PIP5K1B: variants seen among roughly 807,000 people sequenced by gnomAD.
PIP5K1B encodes phosphatidylinositol 4-phosphate 5-kinase type-1 beta.
Under a neutral mutation model 67.0 loss-of-function variants are expected in PIP5K1B, and 42 were observed. That is an observed-to-expected ratio of 0.63 (90% confidence interval 0.49 to 0.81). The LOEUF is 0.81. Ranked by LOEUF, PIP5K1B falls within the 30% of genes least tolerant of loss-of-function variation. The pLI is 0.00. For missense variants in PIP5K1B, 459 were observed against 646.3 expected, an observed-to-expected ratio of 0.71 and a Z score of 3.14; for synonymous variants, 214 against 231.4, an observed-to-expected ratio of 0.92 and a Z score of 0.68.
In PIP5K1B at chr9:68,917,667, T is replaced by A. The variant is rs755861453; in HGVS notation, c.891T>A (p.Thr297=). The A allele has an allele frequency of 1.2e-6, 2 of 1,614,098 alleles. No individual in the cohort carries two copies. Among genetic ancestry groups the A allele is most frequent in the South Asian group, 2.2e-5 (2 of 91,076 alleles). ...AAAATGTGCCTGATGCTAAGCGGACTGGGATGCAGAAGGTTCTCTACTCAA... is the reference window on the plus strand; with the variant it reads ...AAAATGTGCCTGATGCTAAGCGGACAGGGATGCAGAAGGTTCTCTACTCAA... ...TPQNVPDAKR[T]GMQKVLYSTA... is the part of the protein sequence containing the mutation. The change falls in exon 9 of 16, where the codon ACT becomes ACA. Residue 297 remains threonine, a synonymous_variant. Transcript: ENST00000265382.
At chr9:68,917,472 G>C (rs1644943967) in intron 8 of PIP5K1B, 76 bp from the exon 9 acceptor site, 1 of 1,013,790 alleles carries the variant, frequency 9.9e-7, no homozygotes, top group South Asian at 1.3e-5. Context: ...TGTATATCTA[G>C]AGCTCTCTGA....
chr9:68,795,436 T>C (rs1212954148), intron 2 of PIP5K1B, among the ~76,000 whole-genome samples: 1 of 152,176 alleles, frequency 6.6e-6, no homozygotes, highest in Non-Finnish European at 1.5e-5. Flanking sequence ...GAAGAATATA[T>C]GTAATATATG....
chr9:68,859,471 G>C (rs1177112409), intron 4 of PIP5K1B, among the ~76,000 whole-genome samples: 1 of 152,166 alleles, frequency 6.6e-6, no homozygotes, highest in Admixed American at 6.5e-5. Flanking sequence ...AATAGACTCT[G>C]TTTGCTGTGT....
At position 68,831,994 on chromosome 9, in the gene PIP5K1B, A is replaced by G. The variant is rs115925142; in HGVS notation, c.69+9311A>G. On this transcript the variant is annotated intron_variant, in intron 4 of 15. Coordinates refer to ENST00000265382, the MANE Select transcript of PIP5K1B (RefSeq NM_003558.4). ...CCAACTAGAATTTAACAATTTTAAA[A>G]TGTTTTCCCTGATTCATTGGTTCCA... 8.5e-3 allele frequency among the ~76,000 whole-genome samples: 1,299 copies of G among 152,332 alleles called. 24 individuals are homozygous for G. The highest frequency in any genetic ancestry group is 0.03 in the African/African-American group (1,230 of 41,574).
chr9:68,748,423 T>G (rs1356039271), intron 2 of PIP5K1B, among the ~76,000 whole-genome samples: 1 of 152,120 alleles, frequency 6.6e-6, no homozygotes, highest in African/African-American at 2.4e-5. Context: ...TTTGCTGCAT[T>G]TTACTTTAGA....
At position 68,735,316 on chromosome 9, in the gene PIP5K1B, C is replaced by CTTTTTTTTTT. The variant is rs558810934; in HGVS notation, c.-242-7166_-242-7157dup. 2.1e-3 allele frequency among the ~76,000 whole-genome samples: 62 copies of CTTTTTTTTTT among 29,802 alleles called. 12 individuals carry two copies. Among genetic ancestry groups the CTTTTTTTTTT allele is most frequent in the Non-Finnish European group, 3.0e-3 (50 of 16,452 alleles). 19.6% of individuals were successfully genotyped at this position (29,802 alleles called of 152,430 possible). A position where few individuals can be genotyped will look rare whatever the true frequency, so the allele number is the denominator to read the frequency against. On this transcript the variant is annotated intron_variant, in intron 1 of 15. Coordinates refer to ENST00000265382, the MANE Select transcript of PIP5K1B (RefSeq NM_003558.4). The stretch of plus-strand genomic sequence containing the variant: ...CAGATTTGCTGTTTTCCCCTAGTGT[C>CTTTTTTTTTT]TTTTTTTTTTTTTTTTTTTTTTTTT...
intron 14 of PIP5K1B, chr9:68,941,024 T>C (rs186149894): frequency 8.0e-6 from 5 of 623,440 alleles, no homozygotes; most frequent in African/African-American, 5.4e-5. Flanking sequence ...AATTATATAC[T>C]TGGCTCAATG....
At chr9:68,893,324 A>ATT (rs1197422677) in intron 7 of PIP5K1B, among the ~76,000 whole-genome samples, 10 of 94,172 alleles carry the variant, frequency 1.1e-4, no homozygotes, top group East Asian at 2.5e-4. Context: ...TGTATTCCCT[A>ATT]TTTTTTTTCT....
intron 4 of PIP5K1B, among the ~76,000 whole-genome samples, chr9:68,826,585 TA>T (rs773504823): frequency 1.3e-5 from 2 of 152,244 alleles, no homozygotes; most frequent in Non-Finnish European, 1.5e-5. Flanking sequence ...CCTGTTGGTG[TA>T]AAAAAGTGAG....
At chr9:68,730,956 C>G (rs894052221) in intron 1 of PIP5K1B, among the ~76,000 whole-genome samples, 1 of 152,208 alleles carries the variant, frequency 6.6e-6, no homozygotes, top group Non-Finnish European at 1.5e-5. Flanking sequence ...GAAATGGGGC[C>G]AGGCAGGCCA....
At chr9:68,780,175 A>T in intron 2 of PIP5K1B, 1 of 1,524,382 alleles carries the variant, frequency 6.6e-7, no homozygotes, top group Non-Finnish European at 8.8e-7. Context: ...ATGGCTCAGG[A>T]GAAGATGGAG....
intron 4 of PIP5K1B, among the ~76,000 whole-genome samples, chr9:68,822,997 G>A (rs1358423247): frequency 2.6e-5 from 4 of 152,124 alleles, no homozygotes; most frequent in Admixed American, 2.0e-4. Flanking sequence ...CTCCCTGCGT[G>A]CCCTGTGTCA....
intron 2 of PIP5K1B, among the ~76,000 whole-genome samples, chr9:68,748,064 G>A (rs1005752829): frequency 1.2e-4 from 18 of 152,052 alleles, no homozygotes; most frequent in Admixed American, 3.9e-4. Context: ...CCTGTAGCCC[G>A]AGGTAACCCC....
intron 8 of PIP5K1B, among the ~76,000 whole-genome samples, chr9:68,915,336 C>G (rs1185179995): frequency 6.6e-6 from 1 of 152,022 alleles, no homozygotes; most frequent in Non-Finnish European, 1.5e-5. Context: ...TCGGGGGGTA[C>G]TGTTGCCAAG....
At chr9:68,874,974 C>T (rs1261271347) in intron 5 of PIP5K1B, among the ~76,000 whole-genome samples, 1 of 151,984 alleles carries the variant, frequency 6.6e-6, no homozygotes, top group African/African-American at 2.4e-5. Context: ...ATATAAGTTC[C>T]AGAATCATTC....
chr9:68,880,556 A>AACACAC lies in PIP5K1B; in HGVS notation c.318+3789_318+3794dup, dbSNP rs35017818. 2.9e-3 allele frequency among the ~76,000 whole-genome samples: 347 copies of AACACAC among 118,678 alleles called. 2 individuals are homozygous for AACACAC. Among genetic ancestry groups the AACACAC allele is most frequent in the African/African-American group, 8.9e-3 (315 of 35,368 alleles). The allele number at this position is 118,678 out of a possible 152,430, so 77.9% of individuals were successfully genotyped here. On this transcript the variant is annotated intron_variant, in intron 6 of 15. Transcript: ENST00000265382. ...GGCGGCAGAGCAAGACTGCATCTGAAACACACACACACACACACACACACA... is the reference window on the plus strand; with the variant it reads ...GGCGGCAGAGCAAGACTGCATCTGAAACACACACACACACACACACACACACACACA...
chr9:68,795,433 A>G (rs1832235738), intron 2 of PIP5K1B, among the ~76,000 whole-genome samples: 1 of 152,218 alleles, frequency 6.6e-6, no homozygotes, highest in Non-Finnish European at 1.5e-5. Flanking sequence ...CCCGAAGAAT[A>G]TATGTAATAT....
chr9:68,807,017 A>G (rs1179325602), intron 2 of PIP5K1B, among the ~76,000 whole-genome samples: 6 of 146,118 alleles, frequency 4.1e-5, no homozygotes, highest in African/African-American at 1.5e-4. Context: ...TCTGACTGTG[A>G]TGATTGAATA....
chr9:68,717,066 G>A lies in PIP5K1B; in HGVS notation c.-243+11304G>A, dbSNP rs181423658. Among the ~76,000 whole-genome samples the A allele has an allele frequency of 8.5e-5, 13 of 152,284 alleles. No homozygotes were observed. In the East Asian group the frequency reaches 2.1e-3, roughly 25 times the overall value. Reference sequence around the variant, plus strand: ...CATGGACATAAAATTGGGAACAGTAGATACTGGGAGCTCCAAAGGGGACAG... The same window carrying A: ...CATGGACATAAAATTGGGAACAGTAAATACTGGGAGCTCCAAAGGGGACAG... On this transcript the variant is annotated intron_variant, in intron 1 of 15. Coordinates refer to ENST00000265382, the MANE Select transcript of PIP5K1B (RefSeq NM_003558.4).
Sources: allele counts gnomAD v4.1 joint callset (sites outside exome capture counted in the v4.1 genomes callset), GRCh38; gene constraint gnomAD v4.1.1; transcripts MANE v1.5; gene names NCBI Gene and HGNC (gene_info 2026-07-23, HGNC 2026-07-21).